WDPCP: variants seen among roughly 807,000 people sequenced by gnomAD.
The protein encoded by WDPCP is WD repeat-containing and planar cell polarity effector protein fritz homolog.
In WDPCP, 71 loss-of-function variants were observed where a neutral mutation model predicts 93.1. The ratio of observed to expected loss-of-function variants is 0.76; its 90% confidence interval spans 0.63 to 0.93. The LOEUF is 0.93. Ranked by LOEUF, WDPCP falls within the 40% of genes least tolerant of loss-of-function variation. The pLI is 0.00. For synonymous variants in WDPCP, 315 were observed against 315.0 expected (o/e 1.00, Z 0.00); for missense variants, 844 against 887.4 (o/e 0.95, Z 0.62).
intron 2 of WDPCP, among the ~76,000 whole-genome samples, chr2:63,688,217 GAGATCGAGA>G (rs1455521381): frequency 6.6e-6 from 1 of 152,156 alleles, no homozygotes; most frequent in African/African-American, 2.4e-5. Flanking sequence ...ACGAGGTCAG[GAGATCGAGA>G]CCAGCCTGGC....
chr2:63,446,272 G>A (rs971068244), intron 6 of WDPCP, among the ~76,000 whole-genome samples: 10 of 152,094 alleles, frequency 6.6e-5, no homozygotes, highest in Admixed American at 3.9e-4. Context: ...AAGCATTACC[G>A]CCTGAGCTCT....
At chr2:63,245,898 C>T (rs894915712) in intron 14 of WDPCP, among the ~76,000 whole-genome samples, 4 of 152,044 alleles carry the variant, frequency 2.6e-5, no homozygotes, top group African/African-American at 9.7e-5. Flanking sequence ...TACTATTTTT[C>T]GTGTTAGGAA....
intron 1 of WDPCP, among the ~76,000 whole-genome samples, chr2:63,536,458 C>A (rs1284557355): frequency 6.6e-6 from 1 of 152,114 alleles, no homozygotes; most frequent in African/African-American, 2.4e-5. Context: ...TTGGAACCAA[C>A]CCAAATGTCC....
chr2:63,450,916 T>C (rs1698200238), intron 6 of WDPCP, among the ~76,000 whole-genome samples: 1 of 152,074 alleles, frequency 6.6e-6, no homozygotes, highest in South Asian at 2.1e-4. Context: ...CAGCTATCAA[T>C]GTAAGAGCAC....
chr2:63,432,133 A>G (rs1308183473), intron 9 of WDPCP, among the ~76,000 whole-genome samples: 1 of 152,162 alleles, frequency 6.6e-6, no homozygotes, highest in Non-Finnish European at 1.5e-5. Flanking sequence ...GTACTGTTAC[A>G]GAGAGGAGAA....
intron 2 of WDPCP, among the ~76,000 whole-genome samples, chr2:63,765,222 A>G (rs1392570587): frequency 6.6e-6 from 1 of 152,218 alleles, no homozygotes; most frequent in Non-Finnish European, 1.5e-5. Context: ...GTCTGGAAAG[A>G]CAGGGAAGAC....
chr2:63,602,934 CTTTTTTTTTTTTTTTTTTTTTTT>C (rs370479356), intron 3 of WDPCP, among the ~76,000 whole-genome samples: 21 of 131,538 alleles, frequency 1.6e-4, no homozygotes, highest in African/African-American at 2.4e-4. Context: ...TTTAACCGTT[CTTTTTTTTTTTTTTTTTTTTTTT>C]TTTTTTTTTT....
At chr2:63,821,759 A>G (rs1158127264) in intron 1 of WDPCP, among the ~76,000 whole-genome samples, 10 of 152,166 alleles carry the variant, frequency 6.6e-5, no homozygotes, top group Admixed American at 6.5e-4. Context: ...TAAAATGATA[A>G]CAGTCAGTGA....
chr2:63,657,421 T>C (rs1216528367), intron 2 of WDPCP, among the ~76,000 whole-genome samples: 2 of 152,072 alleles, frequency 1.3e-5, no homozygotes, highest in Non-Finnish European at 1.5e-5. Flanking sequence ...TTAGCCCGGA[T>C]GGTCTCGATC....
At chr2:63,623,728 A>G (rs1469681896) in intron 3 of WDPCP, among the ~76,000 whole-genome samples, 1 of 152,178 alleles carries the variant, frequency 6.6e-6, no homozygotes. Flanking sequence ...ACTCCCACAC[A>G]ATAATAGTGG....
intron 14 of WDPCP, among the ~76,000 whole-genome samples, chr2:63,206,118 A>G (rs1365171749): frequency 1.3e-5 from 2 of 152,212 alleles, no homozygotes; most frequent in Non-Finnish European, 2.9e-5. Context: ...GATATGATGT[A>G]TCACATTCAT....
chr2:63,699,411 T>C (rs12713497), intron 2 of WDPCP, among the ~76,000 whole-genome samples: 89,104 of 152,088 alleles, frequency 0.59, 27,286 homozygotes, highest in African/African-American at 0.73. Context: ...TGGATGCAAG[T>C]ATTTAACTAA....
chr2:63,297,334 T>C (rs1292978906), intron 13 of WDPCP, among the ~76,000 whole-genome samples: 2 of 152,188 alleles, frequency 1.3e-5, no homozygotes, highest in African/African-American at 4.8e-5. Context: ...ATCCTCAGGT[T>C]CGTCACTCTT....
chr2:63,292,810 G>A (rs191822519), intron 13 of WDPCP, among the ~76,000 whole-genome samples: 152 of 152,358 alleles, frequency 1.0e-3, no homozygotes, highest in Middle Eastern at 3.4e-3. Context: ...TGATGTAATT[G>A]TTTTGGAACT....
chr2:63,688,410 G>A (rs1272779046), intron 2 of WDPCP, among the ~76,000 whole-genome samples: 1 of 151,106 alleles, frequency 6.6e-6, no homozygotes. Flanking sequence ...CTGAGTGACA[G>A]AGCGAGACTC....
intron 1 of WDPCP, among the ~76,000 whole-genome samples, chr2:63,503,005 A>G (rs886177297): frequency 4.4e-4 from 67 of 152,340 alleles, no homozygotes; most frequent in African/African-American, 1.2e-3. Flanking sequence ...AACAAATTCT[A>G]TGCCTCGAAA....
chr2:63,165,644 G>T (rs778012645), intron 15 of WDPCP, among the ~76,000 whole-genome samples: 3 of 149,970 alleles, frequency 2.0e-5, no homozygotes, highest in East Asian at 1.9e-4. Flanking sequence ...GTGTGCTTCA[G>T]ATTTCTAAAT....
chr2:63,512,945 C>G (rs1010954144), intron 1 of WDPCP, among the ~76,000 whole-genome samples: 7 of 148,498 alleles, frequency 4.7e-5, no homozygotes, highest in Admixed American at 4.7e-4. Context: ...AACACAAGAA[C>G]AAAGAAAAAA....
At chr2:63,246,797 G>A (rs529715038) in intron 14 of WDPCP, among the ~76,000 whole-genome samples, 1 of 152,302 alleles carries the variant, frequency 6.6e-6, no homozygotes, top group East Asian at 1.9e-4. Context: ...GAGTCCATCA[G>A]TAAGCTGGAA....
Sources: allele counts gnomAD v4.1 joint callset (sites outside exome capture counted in the v4.1 genomes callset), GRCh38; gene constraint gnomAD v4.1.1; transcripts MANE v1.5; gene names NCBI Gene and HGNC (gene_info 2026-07-23, HGNC 2026-07-21).